RAB34: variants seen among roughly 807,000 people sequenced by gnomAD.
RAB34 encodes ras-related protein Rab-34.
Under a neutral mutation model 39.0 loss-of-function variants are expected in RAB34, and 33 were observed. That is an observed-to-expected ratio of 0.85 (90% CI 0.64 to 1.13). RAB34 has a LOEUF of 1.13. Ranked by LOEUF, RAB34 falls within the 50% of genes most tolerant of loss-of-function variation. The probability of loss-of-function intolerance (pLI) is 0.00; values close to 1 mark genes in which losing one functional copy is unlikely to be tolerated. For missense variants in RAB34, 289 were observed against 326.1 expected (o/e 0.89, Z 0.88); for synonymous variants, 135 against 125.1 (o/e 1.08, Z -0.53).
rs974225354 is a variant in RAB34 at position 28,716,753 on chromosome 17, A to G, written c.146+150T>C. On this transcript the variant is annotated intron_variant, in intron 2 of 9. Transcript: ENST00000395245. ...CTCACAACAACCTTGTTGGGAGAAA[A>G]GGAGGGGATACAGGGGCTTAAAGAG... The G allele has an allele frequency of 4.6e-6, 4 of 867,484 alleles. No homozygotes were observed. In the Admixed American group the frequency reaches 9.8e-5, roughly 21 times the overall value. 53.7% of individuals were successfully genotyped at this position (867,484 alleles called of 1,614,324 possible). A position where few individuals can be genotyped will look rare whatever the true frequency, so the allele number is the denominator to read the frequency against.
chr17:28,716,149 C>T, intron 2 of RAB34, 91 bp from the exon 3 acceptor site: 1 of 1,585,910 alleles, frequency 6.3e-7, no homozygotes, highest in Non-Finnish European at 8.6e-7. Flanking sequence ...AGAAAGGTAG[C>T]TGCACCCAGG....
At position 28,717,731 on chromosome 17, in the gene RAB34, G is replaced by C; in HGVS notation, c.-465C>G. 1 of 1,330,342 alleles carries C rather than the reference G, an allele frequency of 7.5e-7. No homozygotes were observed. The highest frequency in any genetic ancestry group is 2.1e-5 in the South Asian group (1 of 46,834). 82.4% of individuals were successfully genotyped at this position (1,330,342 alleles called of 1,614,324 possible). The stretch of plus-strand genomic sequence containing the variant: ...CATTACAGAGCGGCCCGGGGGCGCG[G>C]AGCGGCCCCGCCACACGGGGTCAGT... On this transcript the variant is annotated 5_prime_UTR_variant, in exon 1 of 10. Coordinates refer to ENST00000395245, the MANE Select transcript of RAB34 (RefSeq NM_031934.6).
At chr17:28,714,755 C>G (rs746359169) in intron 9 of RAB34, 38 bp downstream of exon 9, 14 of 1,614,010 alleles carry the variant, frequency 8.7e-6, no homozygotes, top group African/African-American at 1.3e-5. Context: ...TGGAGGCTCA[C>G]TGTGCCCTCT....
intron 4 of RAB34, 39 bp downstream of exon 4, chr17:28,715,761 G>C: frequency 6.2e-7 from 1 of 1,612,196 alleles, no homozygotes; most frequent in African/African-American, 1.3e-5. Context: ...GTGGGTGCTG[G>C]GGAGAAGGGA....
In RAB34 at chr17:28,717,383, CG is replaced by C; in HGVS notation, c.-118del. Reference sequence around the variant, plus strand: ...CGGCCGGGGTGTCCCGACTACAACTCGGGGCCACGGGGACCCTACGGGAGTC... The same window carrying C: ...CGGCCGGGGTGTCCCGACTACAACTCGGGCCACGGGGACCCTACGGGAGTC... On this transcript the variant is annotated 5_prime_UTR_variant, in exon 1 of 10. It introduces an in-frame stop codon into an upstream open reading frame of the 5' UTR. Coordinates refer to ENST00000395245, the MANE Select transcript of RAB34 (RefSeq NM_031934.6). The C allele has an allele frequency of 6.6e-7, 1 of 1,524,718 alleles. No individual in the cohort carries two copies. Among genetic ancestry groups the C allele is most frequent in the Non-Finnish European group, 8.8e-7 (1 of 1,139,040 alleles). 94.4% of individuals were successfully genotyped at this position (1,524,718 alleles called of 1,614,324 possible).
rs755004460 is a variant in RAB34, at chr17:28,717,239, C to T, written c.28G>A (p.Asp10Asn). 2 of 1,606,432 alleles carry T rather than the reference C, an allele frequency of 1.2e-6. No homozygotes were observed. Among genetic ancestry groups the T allele is most frequent in the Non-Finnish European group, 1.7e-6 (2 of 1,178,702 alleles). Residue 10 changes from aspartate to asparagine, a missense_variant, in exon 1 of 10, where the codon GAT (aspartate) becomes AAT (asparagine). Coordinates refer to ENST00000395245, the MANE Select transcript of RAB34 (RefSeq NM_031934.6). ...TGGGGCAGCTCCGCCAGGACGCGAT[C>T]CCTCCGCACGGGTGCCAGAATGTTC... is the stretch of plus-strand genomic sequence containing the variant. Reference protein sequence around the residue: MNILAPVRRDRVLAELPQCL... With the variant: MNILAPVRRNRVLAELPQCL...
At chr17:28,716,471 T>C in intron 2 of RAB34, 1 of 256,562 alleles carries the variant, frequency 3.9e-6, no homozygotes, top group Non-Finnish European at 7.5e-6. Context: ...GATGGACTTT[T>C]CCATTCAATA....
In RAB34 at chr17:28,715,053, A is replaced by G; in HGVS notation, c.583T>C (p.Trp195Arg). The G allele has an allele frequency of 6.2e-7, 1 of 1,614,070 alleles. No individual in the cohort carries two copies. Among genetic ancestry groups the G allele is most frequent in the Non-Finnish European group, 8.5e-7 (1 of 1,179,992 alleles). Residue 195 changes from tryptophan (W) to arginine (R), a missense_variant, in exon 8 of 10, where the codon TGG (tryptophan) becomes CGG (arginine). Transcript: ENST00000395245. ...TCACCAGTGAGAGATGAGACTGCCC[A>G]GTACTCAGCCTTCATCTCCTGGGCC... is the stretch of plus-strand genomic sequence containing the variant. ...QVAQEMKAEY[W>R]AVSSLTGENV...
Position 28,717,397 on chromosome 17 carries a change from C to T in RAB34, c.-131G>A. 6.6e-7 allele frequency: 1 copy of T among 1,517,460 alleles called. No individual in the cohort carries two copies. Among genetic ancestry groups the T allele is most frequent in the Non-Finnish European group, 8.8e-7 (1 of 1,134,234 alleles). 94.0% of individuals were successfully genotyped at this position (1,517,460 alleles called of 1,614,324 possible). A position where few individuals can be genotyped will look rare whatever the true frequency, so the allele number is the denominator to read the frequency against. On this transcript the variant is annotated 5_prime_UTR_variant, in exon 1 of 10. Coordinates refer to ENST00000395245, the MANE Select transcript of RAB34 (RefSeq NM_031934.6). The stretch of plus-strand genomic sequence containing the variant: ...CGACTACAACTCGGGGCCACGGGGA[C>T]CCTACGGGAGTCCGCGGTCTCGGAG...
chr17:28,718,371 G>A (rs2033888472), upstream of RAB34: 2 of 912,034 alleles, frequency 2.2e-6, no homozygotes, highest in Non-Finnish European at 3.3e-6. Context: ...GGTGCCCACC[G>A]AGGAGAGAGA....
chr17:28,715,660 G>C lies in RAB34; in HGVS notation c.360C>G (p.Thr120=). The change falls in exon 5 of 10, where the codon ACC becomes ACG. Residue 120 remains threonine, a synonymous_variant. Transcript: ENST00000395245. ...CCTTACCTTGAGCTCCTCTATAGTA[G>C]GTTGATGCAATGCATTTGAACCTCT... ...GQERFKCIAS[T]YYRGAQAIII... The C allele has an allele frequency of 6.2e-7, 1 of 1,614,084 alleles. No homozygotes were observed. Among genetic ancestry groups the C allele is most frequent in the Non-Finnish European group, 8.5e-7 (1 of 1,180,022 alleles).
In RAB34 at chr17:28,714,660, GCTT is replaced by G. The variant is rs1427403681; in HGVS notation, c.760_762del (p.Lys254del). The G allele has an allele frequency of 6.2e-7, 1 of 1,613,976 alleles. No homozygotes were observed. The highest frequency in any genetic ancestry group is 1.7e-5 in the Admixed American group (1 of 60,010). ...CTCAGCCCTCATGGGCAACATGTGG[GCTT>G]CTTCTTGCTGGCAGTTAGGTAGAGG... is the stretch of plus-strand genomic sequence containing the variant. On this transcript the variant is annotated inframe_deletion, in exon 10 of 10. Coordinates refer to ENST00000395245, the MANE Select transcript of RAB34 (RefSeq NM_031934.6).
At chr17:28,718,018 C>G (rs2033839688), upstream of RAB34, 1 of 1,334,820 alleles carries the variant, frequency 7.5e-7, no homozygotes, top group Non-Finnish European at 9.9e-7. Flanking sequence ...TCACCGGGCA[C>G]CAGGACCGCC....
rs778569401 is a variant in RAB34, at chr17:28,717,242, T to C, written c.25A>G (p.Arg9Gly). Residue 9 changes from arginine (R) to glycine (G), a missense_variant, in exon 1 of 10, where the codon AGG (arginine) becomes GGG (glycine). By Grantham distance (125) the Arg-to-Gly change is moderately radical (BLOSUM62 -2). Coordinates refer to ENST00000395245, the MANE Select transcript of RAB34 (RefSeq NM_031934.6). Reference protein sequence around the residue: MNILAPVRRDRVLAELPQC... With the variant: MNILAPVRGDRVLAELPQC... ...GGCAGCTCCGCCAGGACGCGATCCC[T>C]CCGCACGGGTGCCAGAATGTTCATC... The C allele has an allele frequency of 6.2e-7, 1 of 1,606,438 alleles. No individual in the cohort carries two copies. Among genetic ancestry groups the C allele is most frequent in the Non-Finnish European group, 8.5e-7 (1 of 1,178,690 alleles).
upstream of RAB34, chr17:28,718,027 C>T: frequency 8.8e-6 from 12 of 1,366,798 alleles, no homozygotes; most frequent in Non-Finnish European, 1.2e-5. Context: ...ACCAGGACCG[C>T]CCCGACCCAG....
chr17:28,715,479 A>G lies in RAB34; in HGVS notation c.408T>C (p.Asp136=). ...QAIIIVFNLN[D]VASLEHTKQW... ...ACTTGGTATGTTCCAGAGATGCCAC[A>G]TCATTCAGGTTGAAGACAATGATGA... The change falls in exon 6 of 10, where the codon GAT becomes GAC. Residue 136 remains aspartate (D), a synonymous_variant. Coordinates refer to ENST00000395245, the MANE Select transcript of RAB34 (RefSeq NM_031934.6). The G allele has an allele frequency of 6.2e-7, 1 of 1,614,070 alleles. No individual in the cohort carries two copies. Among genetic ancestry groups the G allele is most frequent in the Non-Finnish European group, 8.5e-7 (1 of 1,180,028 alleles).
At position 28,714,413 on chromosome 17, in the gene RAB34, G is replaced by A. The variant is rs2032982144; in HGVS notation, c.*230C>T. Reference sequence around the variant, plus strand: ...ACACTCTCCCTCACTACCACTGGGCGCCCTGGACAGTCCCCTGAGGAGTAG... The same window carrying A: ...ACACTCTCCCTCACTACCACTGGGCACCCTGGACAGTCCCCTGAGGAGTAG... On this transcript the variant is annotated 3_prime_UTR_variant, in exon 10 of 10. Transcript: ENST00000395245. 8 of 774,458 alleles carry A rather than the reference G, an allele frequency of 1.0e-5. No homozygotes were observed. Among genetic ancestry groups the A allele is most frequent in the East Asian group, 2.7e-5 (1 of 37,416 alleles). The allele number at this position is 774,458 out of a possible 1,614,324, so 48.0% of individuals were successfully genotyped here. A position where few individuals can be genotyped will look rare whatever the true frequency, so the allele number is the denominator to read the frequency against.
At chr17:28,716,831 G>A (rs1038959899) in intron 2 of RAB34, 72 bp downstream of exon 2, 6 of 1,534,362 alleles carry the variant, frequency 3.9e-6, no homozygotes, top group Middle Eastern at 4.6e-4. Flanking sequence ...CAAGGGGGTG[G>A]TTGTTTACCC....
chr17:28,717,393 G>A lies in RAB34; in HGVS notation c.-127C>T, dbSNP rs935176924. The A allele has an allele frequency of 2.0e-6, 3 of 1,515,716 alleles. No homozygotes were observed. The highest frequency in any genetic ancestry group is 1.8e-6 in the Non-Finnish European group (2 of 1,133,170). 93.9% of individuals were successfully genotyped at this position (1,515,716 alleles called of 1,614,324 possible). A position where few individuals can be genotyped will look rare whatever the true frequency, so the allele number is the denominator to read the frequency against. Reference sequence around the variant, plus strand: ...GTCCCGACTACAACTCGGGGCCACGGGGACCCTACGGGAGTCCGCGGTCTC... The same window carrying A: ...GTCCCGACTACAACTCGGGGCCACGAGGACCCTACGGGAGTCCGCGGTCTC... On this transcript the variant is annotated 5_prime_UTR_variant, in exon 1 of 10. Coordinates refer to ENST00000395245, the MANE Select transcript of RAB34 (RefSeq NM_031934.6).
Sources: gnomAD v4.1 joint callset for allele counts on GRCh38, gnomAD v4.1.1 for gene constraint, MANE v1.5 for transcripts, NCBI Gene and HGNC (gene_info 2026-07-23, HGNC 2026-07-21) for gene names.